Variants in NECAB1 observed in about 807,000 individuals in gnomAD.
NECAB1 encodes N-terminal EF-hand calcium binding protein 1, also known as N-terminal EF-hand calcium-binding protein 1.
NECAB1 carries 29 observed loss-of-function variants against 57.5 expected under a neutral mutation model. The observed-to-expected ratio is 0.50, with a 90% CI of 0.38 to 0.69. NECAB1 has a LOEUF of 0.69. Among genes scored for constraint, NECAB1 ranks in the 30% least tolerant of loss-of-function variants. The probability of loss-of-function intolerance (pLI) is 0.00; values close to 1 mark genes in which losing one functional copy is unlikely to be tolerated. For missense variants in NECAB1, 372 were observed against 413.8 expected, an observed-to-expected ratio of 0.90 and a Z score of 0.88; for synonymous variants, 142 against 147.7, an observed-to-expected ratio of 0.96 and a Z score of 0.28.
At chr8:90,901,085 A>C (rs939952624) in intron 5 of NECAB1, among the ~76,000 whole-genome samples, 1 of 152,210 alleles carries the variant, frequency 6.6e-6, no homozygotes, top group African/African-American at 2.4e-5. Flanking sequence ...CCTATCTCAA[A>C]TATAAAAGAT....
intron 1 of NECAB1, among the ~76,000 whole-genome samples, chr8:90,794,658 A>G (rs1811631652): frequency 6.6e-6 from 1 of 152,248 alleles, no homozygotes; most frequent in African/African-American, 2.4e-5. Flanking sequence ...TTCCTTCAGT[A>G]TCCTCTCCAA....
At chr8:90,919,137 A>G (rs190887582) in intron 6 of NECAB1, among the ~76,000 whole-genome samples, 5 of 152,304 alleles carry the variant, frequency 3.3e-5, no homozygotes, top group African/African-American at 1.2e-4. Flanking sequence ...CCTATACTAA[A>G]AATGTGTAGG....
At chr8:90,908,118 G>A (rs1273116545) in intron 5 of NECAB1, among the ~76,000 whole-genome samples, 1 of 152,136 alleles carries the variant, frequency 6.6e-6, no homozygotes, top group Non-Finnish European at 1.5e-5. Flanking sequence ...ACATATTATA[G>A]GACTGTGGTT....
chr8:90,792,318 G>A (rs1563488352), intron 1 of NECAB1, among the ~76,000 whole-genome samples: 1 of 152,136 alleles, frequency 6.6e-6, no homozygotes, highest in Non-Finnish European at 1.5e-5. Context: ...GGGGTGAGGT[G>A]GGGACAGTGT....
intron 2 of NECAB1, among the ~76,000 whole-genome samples, chr8:90,803,192 C>A (rs532273911): frequency 2.6e-5 from 4 of 152,138 alleles, no homozygotes; most frequent in African/African-American, 9.7e-5. Context: ...CCACTGCACC[C>A]GGCCCATTTG....
chr8:90,808,482 C>T (rs1295566217), intron 2 of NECAB1, among the ~76,000 whole-genome samples: 1 of 152,070 alleles, frequency 6.6e-6, no homozygotes, highest in Non-Finnish European at 1.5e-5. Context: ...AATTTCCCCA[C>T]CTGTGAAGTG....
chr8:90,817,374 G>A (rs1446622734), intron 2 of NECAB1, among the ~76,000 whole-genome samples: 1 of 151,456 alleles, frequency 6.6e-6, no homozygotes, highest in African/African-American at 2.4e-5. Context: ...TGGTGAAAAA[G>A]GATACTTCCT....
intron 6 of NECAB1, among the ~76,000 whole-genome samples, chr8:90,922,690 A>G (rs974960903): frequency 6.6e-5 from 10 of 151,664 alleles, no homozygotes; most frequent in African/African-American, 2.2e-4. Flanking sequence ...ACGGGGTTTC[A>G]CCATGTTGGC....
intron 2 of NECAB1, among the ~76,000 whole-genome samples, chr8:90,823,272 G>A (rs189998589): frequency 4.6e-4 from 70 of 151,872 alleles, no homozygotes; most frequent in Non-Finnish European, 8.4e-4. Flanking sequence ...CCAGTTAAAC[G>A]TTAGCAAAAA....
chr8:90,826,794 A>G (rs1469676093), intron 3 of NECAB1, among the ~76,000 whole-genome samples: 1 of 151,830 alleles, frequency 6.6e-6, no homozygotes, highest in Non-Finnish European at 1.5e-5. Context: ...TTTTATTTAT[A>G]TAATTATTAA....
intron 5 of NECAB1, among the ~76,000 whole-genome samples, chr8:90,907,139 T>TGAGAGAGA (rs1287665534): frequency 2.4e-5 from 3 of 123,684 alleles, no homozygotes; most frequent in East Asian, 2.8e-4. Context: ...TGTGTGTGTG[T>TGAGAGAGA]GTGTGTGTGT....
intron 3 of NECAB1, among the ~76,000 whole-genome samples, chr8:90,849,468 C>T: frequency 8.1e-6 from 1 of 124,110 alleles, no homozygotes; most frequent in African/African-American, 3.1e-5. Context: ...AACCCTATCT[C>T]AAAAAAGAAA....
At chr8:90,858,746 C>G (rs910010613) in intron 3 of NECAB1, among the ~76,000 whole-genome samples, 1 of 152,132 alleles carries the variant, frequency 6.6e-6, no homozygotes, top group Non-Finnish European at 1.5e-5. Context: ...TCTTTTCATT[C>G]CATTGGCTCG....
intron 5 of NECAB1, 48 bp from the exon 6 acceptor site, chr8:90,917,444 T>C: frequency 6.6e-7 from 1 of 1,514,210 alleles, no homozygotes; most frequent in East Asian, 2.3e-5. Flanking sequence ...AAATCCTGGG[T>C]ATTTTTTTCT....
At chr8:90,907,371 C>G (rs541707966) in intron 5 of NECAB1, among the ~76,000 whole-genome samples, 1 of 152,042 alleles carries the variant, frequency 6.6e-6, no homozygotes, top group Non-Finnish European at 1.5e-5. Flanking sequence ...AGGCTATAGC[C>G]AGTCTCTTAT....
chr8:90,849,686 ATTTTTTTTTTTT>A (rs34779201), intron 3 of NECAB1, among the ~76,000 whole-genome samples: 30 of 84,134 alleles, frequency 3.6e-4, no homozygotes, highest in Non-Finnish European at 5.5e-4. Flanking sequence ...GTTTCCAGTA[ATTTTTTTTTTTT>A]TTTTTTTTTT....
intron 3 of NECAB1, among the ~76,000 whole-genome samples, chr8:90,828,599 T>G (rs530675877): frequency 9.9e-5 from 15 of 152,152 alleles, no homozygotes; most frequent in Non-Finnish European, 1.8e-4. Context: ...ACTTTAGAAG[T>G]GAAAAGAACC....
chr8:90,924,697 A>T (rs1001065210), intron 6 of NECAB1, among the ~76,000 whole-genome samples: 1 of 152,176 alleles, frequency 6.6e-6, no homozygotes, highest in Non-Finnish European at 1.5e-5. Context: ...CCATGTTCAC[A>T]TTCCAACCAG....
chr8:90,824,821 A>G lies in NECAB1; in HGVS notation c.229A>G (p.Thr77Ala). Residue 77 changes from threonine to alanine, a missense_variant, in exon 3 of 13, where the codon ACT becomes GCT. Transcript: ENST00000417640. ...TTTCCATACCATTGATACACATAAT[A>G]CTAAGTAAGAAACTTTTTTATCACT... is the stretch of plus-strand genomic sequence containing the variant. The part of the protein sequence containing the change: ...ELFHTIDTHN[T>A]NNLDTEELCE... 6.7e-7 allele frequency: 1 copy of G among 1,499,864 alleles called. No homozygotes were observed. The highest frequency in any genetic ancestry group is 9.0e-7 in the Non-Finnish European group (1 of 1,110,046). The allele number at this position is 1,499,864 out of a possible 1,614,324, so 92.9% of individuals were successfully genotyped here. A position where few individuals can be genotyped will look rare whatever the true frequency, so the allele number is the denominator to read the frequency against.
Sources: allele counts gnomAD v4.1 joint callset (sites outside exome capture counted in the v4.1 genomes callset), GRCh38; gene constraint gnomAD v4.1.1; transcripts MANE v1.5; gene names NCBI Gene and HGNC (gene_info 2026-07-23, HGNC 2026-07-21).